The following MXI1 variants were observed in gnomAD, a reference collection of about 807,000 sequenced individuals.
MXI1 encodes the protein max-interacting protein 1.
In MXI1, 18 loss-of-function variants were observed where a neutral mutation model predicts 36.9. The observed-to-expected ratio is 0.49, with a 90% confidence interval of 0.34 to 0.72. MXI1 has a LOEUF of 0.72. Among genes scored for constraint, MXI1 ranks in the 30% least tolerant of loss-of-function variants. The pLI, the probability that MXI1 is intolerant of heterozygous loss-of-function variation, is 0.01. For missense variants in MXI1, 304 were observed against 379.1 expected (o/e 0.80, Z 1.64); for synonymous variants, 160 against 146.7 (o/e 1.09, Z -0.65).
At position 110,207,821 on chromosome 10, in the gene MXI1, G is replaced by A. The variant is rs1854400070; in HGVS notation, c.13G>A (p.Gly5Arg). Residue 5 changes from glycine (G) to arginine (R), a missense_variant, in exon 1 of 6, where the codon GGG (glycine) becomes AGG (arginine). Transcript: ENST00000332674. ...CCCCCGCTCCTCCATGGGCAAACGC[G>A]GGCGGCCGCGCAAGGAGGCGCGCTG... The part of the protein sequence containing the change: MGKR[G>R]RPRKEARCEG... 7.2e-6 allele frequency: 8 copies of A among 1,118,726 alleles called. No individual in the cohort carries two copies. The East Asian group carries it at 3.7e-4, about 52-fold the overall frequency. The allele number at this position is 1,118,726 out of a possible 1,614,324, so 69.3% of individuals were successfully genotyped here. A position where few individuals can be genotyped will look rare whatever the true frequency, so the allele number is the denominator to read the frequency against.
chr10:110,279,429 A>C, intron 4 of MXI1, 135 bp downstream of exon 4: 1 of 711,188 alleles, frequency 1.4e-6, no homozygotes, highest in Non-Finnish European at 2.4e-6. Context: ...GTCTTTCTAA[A>C]AACTTACCAG....
chr10:110,212,661 A>G (rs1359181066), intron 1 of MXI1, among the ~76,000 whole-genome samples: 1 of 152,192 alleles, frequency 6.6e-6, no homozygotes, highest in Non-Finnish European at 1.5e-5. Flanking sequence ...GTGACTTTGG[A>G]CACAACTTAC....
At chr10:110,213,583 G>A (rs1424280639) in intron 1 of MXI1, among the ~76,000 whole-genome samples, 1 of 152,178 alleles carries the variant, frequency 6.6e-6, no homozygotes, top group Non-Finnish European at 1.5e-5. Flanking sequence ...TATTGTTACG[G>A]CTTTCAGAAT....
At chr10:110,267,336 T>C (rs746080122) in intron 3 of MXI1, among the ~76,000 whole-genome samples, 5 of 152,232 alleles carry the variant, frequency 3.3e-5, no homozygotes, top group Non-Finnish European at 5.9e-5. Flanking sequence ...TAGGGGTATG[T>C]TTCTGTAATA....
In MXI1 at chr10:110,207,691, C is replaced by A. The variant is rs1020056286; in HGVS notation, c.-118C>A. On this transcript the variant is annotated 5_prime_UTR_variant, in exon 1 of 6. Transcript: ENST00000332674. ...GGCAGCGAGGCTCGGGAAGTCAGGC[C>A]GGCTTTTCGCCCCGGCGCCTTCTCT... 1.5e-5 allele frequency: 8 copies of A among 546,324 alleles called. No homozygotes were observed. The highest frequency in any genetic ancestry group is 1.9e-5 in the Non-Finnish European group (8 of 422,194). The allele number at this position is 546,324 out of a possible 1,614,324, so 33.8% of individuals were successfully genotyped here. A position where few individuals can be genotyped will look rare whatever the true frequency, so the allele number is the denominator to read the frequency against.
intron 1 of MXI1, chr10:110,227,660 C>A (rs1268362735): frequency 3.3e-6 from 2 of 609,752 alleles, no homozygotes; most frequent in Non-Finnish European, 4.1e-6. Flanking sequence ...TGAATACCTG[C>A]GGGGTGATGA....
intron 1 of MXI1, chr10:110,226,072 C>A: frequency 3.0e-6 from 3 of 1,009,892 alleles, no homozygotes; most frequent in South Asian, 4.9e-5. Flanking sequence ...CGGCGGAGAG[C>A]GCGCCGAGCC....
chr10:110,226,015 T>A, intron 1 of MXI1: 1 of 981,882 alleles, frequency 1.0e-6, no homozygotes, highest in Non-Finnish European at 1.2e-6. Context: ...ACGCGCGGGC[T>A]GCCCGCGGCA....
chr10:110,283,836 A>G (rs528667114), intron 5 of MXI1, among the ~76,000 whole-genome samples: 4 of 152,016 alleles, frequency 2.6e-5, no homozygotes, highest in African/African-American at 9.6e-5. Flanking sequence ...GCTGAAGTGC[A>G]GTGGTGAGAC....
intron 4 of MXI1, 95 bp downstream of exon 4, chr10:110,279,389 T>A: frequency 9.8e-7 from 1 of 1,018,230 alleles, no homozygotes; most frequent in East Asian, 2.4e-5. Flanking sequence ...TAGTTCACCA[T>A]GCCCTCCTTA....
At chr10:110,209,006 A>G (rs924755446) in intron 1 of MXI1, among the ~76,000 whole-genome samples, 1 of 35,344 alleles carries the variant, frequency 2.8e-5, no homozygotes, top group African/African-American at 1.0e-4. Context: ...CCACCCGCCC[A>G]CCCCCAGATT....
At chr10:110,262,903 T>G (rs147080958) in intron 3 of MXI1, among the ~76,000 whole-genome samples, 37 of 152,300 alleles carry the variant, frequency 2.4e-4, no homozygotes, top group African/African-American at 8.9e-4. Context: ...CAAACTGATC[T>G]CTCTAAATTC....
chr10:110,228,485 C>T (rs1028146674), intron 2 of MXI1, among the ~76,000 whole-genome samples, 164 bp downstream of exon 2: 1 of 152,064 alleles, frequency 6.6e-6, no homozygotes, highest in African/African-American at 2.4e-5. Context: ...CCTGGTTTTG[C>T]ATGGAAGGAA....
chr10:110,251,695 C>A (rs890625933), intron 3 of MXI1, among the ~76,000 whole-genome samples: 3 of 152,018 alleles, frequency 2.0e-5, no homozygotes, highest in African/African-American at 7.2e-5. Flanking sequence ...ACCTACTACT[C>A]TGGGTAGTTA....
intron 3 of MXI1, among the ~76,000 whole-genome samples, chr10:110,274,775 C>T (rs1034843181): frequency 1.3e-5 from 2 of 151,856 alleles, no homozygotes; most frequent in Non-Finnish European, 2.9e-5. Flanking sequence ...CCATGCCTTT[C>T]ATGAATCGTT....
At chr10:110,237,241 G>GATAGA (rs1168451229) in intron 2 of MXI1, among the ~76,000 whole-genome samples, 1 of 152,080 alleles carries the variant, frequency 6.6e-6, no homozygotes, top group Non-Finnish European at 1.5e-5. Flanking sequence ...TACAGTGCTG[G>GATAGA]ATAGAAGTGA....
chr10:110,249,407 TTACAG>T (rs1855989323), intron 3 of MXI1, among the ~76,000 whole-genome samples: 1 of 151,884 alleles, frequency 6.6e-6, no homozygotes, highest in African/African-American at 2.4e-5. Context: ...TTGTTACTGA[TTACAG>T]TACATTAAAT....
At chr10:110,210,254 C>A in intron 1 of MXI1, 1 of 985,148 alleles carries the variant, frequency 1.0e-6, no homozygotes, top group Non-Finnish European at 1.2e-6. Context: ...GTCCGCCCTG[C>A]AAATCTGCCA....
chr10:110,227,238 G>T (rs1445766341), intron 1 of MXI1: 1 of 709,324 alleles, frequency 1.4e-6, no homozygotes, highest in Non-Finnish European at 1.7e-6. Context: ...GGGATGGTGC[G>T]CGGGGGGGAG....
Sources: allele counts gnomAD v4.1 joint callset (sites outside exome capture counted in the v4.1 genomes callset), GRCh38; gene constraint gnomAD v4.1.1; transcripts MANE v1.5; gene names NCBI Gene and HGNC (gene_info 2026-07-23, HGNC 2026-07-21).